The following CADPS2 variants were observed in gnomAD, a reference collection of about 807,000 sequenced individuals.
CADPS2 encodes the protein calcium-dependent secretion activator 2.
Under a neutral mutation model 172.5 loss-of-function variants are expected in CADPS2, and 93 were observed. That is an observed-to-expected ratio of 0.54 (90% CI 0.46 to 0.64). The LOEUF (loss-of-function observed/expected upper bound fraction) is 0.64, where lower values mean the gene tolerates loss of function less well. CADPS2 is among the 30% of genes least tolerant of loss of function. CADPS2 has a pLI of 0.00. For missense variants in CADPS2, 1,420 were observed against 1,565.9 expected (o/e 0.91, Z 1.57); for synonymous variants, 546 against 555.2 (o/e 0.98, Z 0.23).
intron 8 of CADPS2, among the ~76,000 whole-genome samples, chr7:122,548,216 TAA>T (rs1014384425): frequency 4.6e-5 from 7 of 151,568 alleles, no homozygotes; most frequent in African/African-American, 1.5e-4. Context: ...AAAATTTTTT[TAA>T]AAAAACTAGT....
At chr7:122,558,322 C>G (rs897777716) in intron 7 of CADPS2, among the ~76,000 whole-genome samples, 15 of 152,058 alleles carry the variant, frequency 9.9e-5, no homozygotes, top group African/African-American at 3.6e-4. Flanking sequence ...TACTAAGGAT[C>G]CTTCTGTATC....
chr7:122,407,335 G>A (rs2046772800), intron 20 of CADPS2, among the ~76,000 whole-genome samples: 1 of 152,164 alleles, frequency 6.6e-6, no homozygotes, highest in Admixed American at 6.5e-5. Flanking sequence ...CAAATGAGAA[G>A]ACCTTCAGAG....
At position 122,656,801 on chromosome 7, in the gene CADPS2, T is replaced by G. The variant is rs1012850683; in HGVS notation, c.786+6436A>C. ...AGTTTCTCTTTTGCTGTGCAGAAGA[T>G]CTTTAGTTTAATTAGATCCCATTTG... On this transcript the variant is annotated intron_variant, in intron 3 of 29. Coordinates refer to ENST00000449022, the MANE Select transcript of CADPS2 (RefSeq NM_017954.11). Among the ~76,000 whole-genome samples the G allele has an allele frequency of 2.0e-5, 3 of 152,176 alleles. 1 individual carries two copies. Among genetic ancestry groups the G allele is most frequent in the South Asian group, 4.1e-4 (2 of 4,828 alleles).
intron 3 of CADPS2, among the ~76,000 whole-genome samples, chr7:122,659,832 A>C (rs2080315871): frequency 6.6e-6 from 1 of 152,156 alleles, no homozygotes; most frequent in African/African-American, 2.4e-5. Flanking sequence ...TCATGCAAAC[A>C]AAAAGACAGT....
intron 17 of CADPS2, among the ~76,000 whole-genome samples, chr7:122,426,784 C>T (rs1346852492): frequency 6.6e-6 from 1 of 152,188 alleles, no homozygotes; most frequent in Non-Finnish European, 1.5e-5. Context: ...CAGTTAGTTG[C>T]TTTCAAATTC....
At chr7:122,831,131 G>A (rs1806414650) in intron 1 of CADPS2, among the ~76,000 whole-genome samples, 1 of 152,144 alleles carries the variant, frequency 6.6e-6, no homozygotes. Context: ...CTACAAGAAA[G>A]TCAGCCTCCT....
chr7:122,654,129 G>A lies in CADPS2; in HGVS notation c.786+9108C>T, dbSNP rs189895177. ...AGGCTATGAGAAAGGTAAGGAAGGT[G>A]TAGAAGAAAAGTTTGAAGCTAGGAG... On this transcript the variant is annotated intron_variant, in intron 3 of 29. Transcript: ENST00000449022. Among the ~76,000 whole-genome samples, 6 of 152,296 alleles carry A rather than the reference G, an allele frequency of 3.9e-5. No individual in the cohort carries two copies. The South Asian group carries it at 8.3e-4, about 21-fold the overall frequency.
intron 4 of CADPS2, among the ~76,000 whole-genome samples, chr7:122,627,855 C>T (rs977013392): frequency 3.3e-5 from 5 of 152,102 alleles, no homozygotes; most frequent in African/African-American, 1.2e-4. Context: ...CAGGATAGGA[C>T]TTGGCATTAA....
At chr7:122,579,277 T>A (rs2068475999) in intron 7 of CADPS2, among the ~76,000 whole-genome samples, 1 of 151,768 alleles carries the variant, frequency 6.6e-6, no homozygotes, top group Admixed American at 6.6e-5. Context: ...AGGTTAGGGA[T>A]GTTGTTAAAT....
At chr7:122,446,536 T>C (rs1413170975) in intron 15 of CADPS2, among the ~76,000 whole-genome samples, 3 of 152,188 alleles carry the variant, frequency 2.0e-5, no homozygotes, top group African/African-American at 7.2e-5. Flanking sequence ...CTCTGGGTAA[T>C]GAAAACTAGA....
intron 1 of CADPS2, among the ~76,000 whole-genome samples, chr7:122,789,020 C>A (rs1397597940): frequency 6.6e-6 from 1 of 152,170 alleles, no homozygotes; most frequent in South Asian, 2.1e-4. Flanking sequence ...ACCTCTGTAA[C>A]TCTTGGTCCC....
intron 2 of CADPS2, among the ~76,000 whole-genome samples, chr7:122,684,407 T>G (rs1047105273): frequency 1.3e-5 from 2 of 151,976 alleles, no homozygotes; most frequent in Admixed American, 1.3e-4. Flanking sequence ...TTTAAACATA[T>G]AGAAAAGTTT....
intron 1 of CADPS2, among the ~76,000 whole-genome samples, chr7:122,785,010 T>C (rs928571760): frequency 1.3e-5 from 2 of 152,214 alleles, no homozygotes; most frequent in African/African-American, 2.4e-5. Context: ...TCAAGATTTC[T>C]AACTTTTAAT....
chr7:122,496,818 G>A (rs775373114), intron 9 of CADPS2, among the ~76,000 whole-genome samples: 6 of 152,038 alleles, frequency 3.9e-5, no homozygotes, highest in African/African-American at 7.2e-5. Flanking sequence ...TTATTATTCA[G>A]TGATTATTCA....
intron 1 of CADPS2, among the ~76,000 whole-genome samples, chr7:122,744,934 G>A (rs2092657666): frequency 6.6e-6 from 1 of 150,676 alleles, no homozygotes; most frequent in African/African-American, 2.4e-5. Flanking sequence ...TCCTTGTCAT[G>A]TTCTACTGAC....
chr7:122,532,972 G>C (rs150942322), intron 8 of CADPS2, among the ~76,000 whole-genome samples: 2,401 of 151,758 alleles, frequency 0.016, 27 homozygotes, highest in South Asian at 0.041. Context: ...GCCCAACCTA[G>C]TGCTTTGCCC....
intron 1 of CADPS2, among the ~76,000 whole-genome samples, chr7:122,739,947 T>C (rs557423934): frequency 6.6e-6 from 1 of 152,230 alleles, no homozygotes; most frequent in South Asian, 2.1e-4. Flanking sequence ...TAGTAATGGA[T>C]GGTCTACTCA....
At chr7:122,686,355 T>G (rs569047594) in intron 2 of CADPS2, among the ~76,000 whole-genome samples, 40 of 152,324 alleles carry the variant, frequency 2.6e-4, no homozygotes, top group African/African-American at 9.1e-4. Flanking sequence ...TATCTTGTAT[T>G]AATGTAGTAA....
chr7:122,438,367 C>T lies in CADPS2; in HGVS notation c.2450G>A (p.Arg817Lys). Residue 817 changes from arginine (R) to lysine (K), a missense_variant, in exon 17 of 30, where the codon AGA (arginine) becomes AAA (lysine). Physicochemically the swap from Arg to Lys is conservative, Grantham distance 26 (BLOSUM62 2). Coordinates refer to ENST00000449022, the MANE Select transcript of CADPS2 (RefSeq NM_017954.11). The part of the protein sequence containing the change: ...LEKAALINYT[R>K]LTEYAKIEET... Reference sequence around the variant, plus strand: ...TTCTATTTTGGCATATTCTGTGAGTCTAGTGTAATTGATCAAGGCAGCTTT... The same window carrying T: ...TTCTATTTTGGCATATTCTGTGAGTTTAGTGTAATTGATCAAGGCAGCTTT... 6.2e-7 allele frequency: 1 copy of T among 1,613,076 alleles called. No individual in the cohort carries two copies. The highest frequency in any genetic ancestry group is 8.5e-7 in the Non-Finnish European group (1 of 1,179,302).
Sources: gnomAD v4.1 joint callset for allele counts (sites outside exome capture counted in the v4.1 genomes callset) on GRCh38, gnomAD v4.1.1 for gene constraint, MANE v1.5 for transcripts, NCBI Gene and HGNC (gene_info 2026-07-23, HGNC 2026-07-21) for gene names.